The following RIMS2 variants were observed in gnomAD, a reference collection of about 807,000 sequenced individuals.
RIMS2 encodes the protein regulating synaptic membrane exocytosis 2.
A neutral mutation model predicts 174.4 loss-of-function variants in RIMS2; 59 were observed. The ratio of observed to expected loss-of-function variants is 0.34; its 90% confidence interval spans 0.27 to 0.42. RIMS2 has a LOEUF of 0.42. Among genes scored for constraint, RIMS2 ranks in the 10% least tolerant of loss-of-function variants. The pLI is 1.00. For missense variants in RIMS2, 1,620 were observed against 1,666.3 expected, an observed-to-expected ratio of 0.97 and a Z score of 0.48; for synonymous variants, 606 against 572.5, an observed-to-expected ratio of 1.06 and a Z score of -0.84.
At chr8:103,737,387 A>G (rs1196884388) in intron 2 of RIMS2, among the ~76,000 whole-genome samples, 2 of 151,598 alleles carry the variant, frequency 1.3e-5, no homozygotes, top group African/African-American at 2.4e-5. Flanking sequence ...GGGTTTCACC[A>G]TGTTGGCCAG....
intron 19 of RIMS2, among the ~76,000 whole-genome samples, chr8:104,139,661 G>A (rs1209975700): frequency 6.6e-6 from 1 of 152,000 alleles, no homozygotes; most frequent in Admixed American, 6.6e-5. Flanking sequence ...AGTTTTTTTG[G>A]TGTAGTCTTT....
At chr8:104,136,674 A>T (rs528648222) in intron 19 of RIMS2, among the ~76,000 whole-genome samples, 3 of 152,314 alleles carry the variant, frequency 2.0e-5, no homozygotes, top group Non-Finnish European at 4.4e-5. Context: ...GGAGGCCATT[A>T]TCCTTAGCAA....
At chr8:104,133,159 T>A (rs528959568) in intron 19 of RIMS2, among the ~76,000 whole-genome samples, 2 of 152,356 alleles carry the variant, frequency 1.3e-5, no homozygotes, top group African/African-American at 4.8e-5. Flanking sequence ...GTTCCACATC[T>A]GTATTTGTAC....
At chr8:103,531,365 A>G (rs1391730978) in intron 1 of RIMS2, among the ~76,000 whole-genome samples, 1 of 152,236 alleles carries the variant, frequency 6.6e-6, no homozygotes, top group African/African-American at 2.4e-5. Flanking sequence ...GAAGATTCTT[A>G]TATATTTAGG....
At chr8:104,217,093 T>A (rs1006233359) in intron 19 of RIMS2, among the ~76,000 whole-genome samples, 17 of 152,152 alleles carry the variant, frequency 1.1e-4, no homozygotes, top group African/African-American at 3.9e-4. Context: ...ATTATTTTGA[T>A]CTTTAGAGTT....
chr8:103,859,796 C>T (rs774006008), intron 3 of RIMS2, among the ~76,000 whole-genome samples: 2 of 152,002 alleles, frequency 1.3e-5, no homozygotes, highest in Non-Finnish European at 2.9e-5. Flanking sequence ...TCTAGCAGTC[C>T]AGGGTCCAAC....
intron 3 of RIMS2, among the ~76,000 whole-genome samples, chr8:103,867,359 T>C (rs1565000421): frequency 6.6e-6 from 1 of 151,772 alleles, no homozygotes; most frequent in African/African-American, 2.4e-5. Flanking sequence ...AATACAAATA[T>C]TATGTATTCT....
intron 1 of RIMS2, among the ~76,000 whole-genome samples, chr8:103,586,582 G>T (rs1474011845): frequency 2.0e-5 from 3 of 152,010 alleles, no homozygotes; most frequent in African/African-American, 7.2e-5. Context: ...CAAAACCTTT[G>T]GAATGCAGCA....
chr8:103,988,733 T>TA (rs968476732), intron 16 of RIMS2, among the ~76,000 whole-genome samples: 1 of 152,146 alleles, frequency 6.6e-6, no homozygotes, highest in African/African-American at 2.4e-5. Flanking sequence ...GTGCTGGAAT[T>TA]ACAAGCATGA....
rs2097737638 is a variant in RIMS2, at chr8:103,739,808, G to A, written c.388-26419G>A. 2.6e-5 allele frequency among the ~76,000 whole-genome samples: 4 copies of A among 152,084 alleles called. No homozygotes were observed. The South Asian group carries it at 6.2e-4, about 24-fold the overall frequency. On this transcript the variant is annotated intron_variant, in intron 2 of 23. Transcript: ENST00000504942. ...GGGATTCCTTTTTCTGCTTCTCAGAGACCTCTGCTTCTCAGAGTCTCTAGG... is the reference window on the plus strand; with the variant it reads ...GGGATTCCTTTTTCTGCTTCTCAGAAACCTCTGCTTCTCAGAGTCTCTAGG...
intron 19 of RIMS2, among the ~76,000 whole-genome samples, chr8:104,197,962 A>C (rs1185836093): frequency 6.6e-6 from 1 of 151,620 alleles, no homozygotes; most frequent in African/African-American, 2.4e-5. Flanking sequence ...AAAAATAATA[A>C]TAATAATAAT....
chr8:104,107,424 A>G (rs569223066), intron 19 of RIMS2, among the ~76,000 whole-genome samples: 94 of 152,252 alleles, frequency 6.2e-4, no homozygotes, highest in African/African-American at 2.2e-3. Flanking sequence ...TGAGTATAGT[A>G]TATCTATCAT....
chr8:103,631,770 A>AT (rs376549339), intron 1 of RIMS2, among the ~76,000 whole-genome samples: 41 of 152,230 alleles, frequency 2.7e-4, no homozygotes, highest in African/African-American at 9.1e-4. Flanking sequence ...ACATGGGATG[A>AT]TTTTACACTT....
At position 103,577,444 on chromosome 8, in the gene RIMS2, C is replaced by T. The variant is rs537629609; in HGVS notation, c.176+76382C>T. ...GAACACATGGACACAGGGAGGGGAA[C>T]ATCACACGCCGGGGCCTGTCAGGGG... On this transcript the variant is annotated intron_variant, in intron 1 of 23. Coordinates refer to ENST00000504942, the Ensembl canonical transcript of RIMS2. Among the ~76,000 whole-genome samples the T allele has an allele frequency of 2.0e-5, 3 of 152,198 alleles. No homozygotes were observed. The South Asian group carries it at 6.2e-4, about 32-fold the overall frequency.
intron 19 of RIMS2, among the ~76,000 whole-genome samples, chr8:104,035,375 A>G (rs1382638118): frequency 6.6e-6 from 1 of 152,008 alleles, no homozygotes; most frequent in Non-Finnish European, 1.5e-5. Context: ...TTACTATAAT[A>G]TTTTAATGTG....
rs554194631 is a variant in RIMS2, at chr8:103,599,205, A to T, written c.177-97881A>T. Among the ~76,000 whole-genome samples, 6 of 151,786 alleles carry T rather than the reference A, an allele frequency of 4.0e-5. No homozygotes were observed. In the East Asian group the frequency reaches 1.2e-3, roughly 30 times the overall value. ...ACCAGGACCTTTCATCTGTATTTGG[A>T]TTTTATTCAAATACAAATGAATATT... On this transcript the variant is annotated intron_variant, in intron 1 of 23. Transcript: ENST00000504942.
chr8:103,600,847 C>G (rs75840413), intron 1 of RIMS2, among the ~76,000 whole-genome samples: 1 of 151,986 alleles, frequency 6.6e-6, no homozygotes, highest in African/African-American at 2.4e-5. Context: ...TTTTCACATC[C>G]TCTCCAACAT....
chr8:103,584,621 G>T (rs1268233115), intron 1 of RIMS2, among the ~76,000 whole-genome samples: 1 of 152,124 alleles, frequency 6.6e-6, no homozygotes, highest in East Asian at 1.9e-4. Context: ...TTAATAGTTT[G>T]CTCTTTGCTT....
intron 19 of RIMS2, among the ~76,000 whole-genome samples, chr8:104,103,947 A>G (rs935170867): frequency 2.6e-5 from 4 of 152,200 alleles, no homozygotes; most frequent in Admixed American, 1.3e-4. Context: ...GGTAACATAC[A>G]TGGTCTGAAG....
Sources: allele counts gnomAD v4.1 joint callset (sites outside exome capture counted in the v4.1 genomes callset), GRCh38; gene constraint gnomAD v4.1.1; transcripts MANE v1.5; gene names NCBI Gene and HGNC (gene_info 2026-07-23, HGNC 2026-07-21).